The following DNAI4 variants were observed in gnomAD, a reference collection of about 807,000 sequenced individuals.
DNAI4 encodes the protein WD repeat domain 78.
In DNAI4, 85 loss-of-function variants were observed where a neutral mutation model predicts 105.8. The ratio of observed to expected loss-of-function variants is 0.80; its 90% CI spans 0.67 to 0.96. The LOEUF (loss-of-function observed/expected upper bound fraction) is 0.96, where lower values mean the gene tolerates loss of function less well. Among genes scored for constraint, DNAI4 ranks in the 40% least tolerant of loss-of-function variants. The pLI, the probability that DNAI4 is intolerant of heterozygous loss-of-function variation, is 0.00. For synonymous variants in DNAI4, 352 were observed against 331.5 expected, an observed-to-expected ratio of 1.06 and a Z score of -0.67; for missense variants, 1,014 against 1,005.6, an observed-to-expected ratio of 1.01 and a Z score of -0.11.
Position 66,834,166 on chromosome 1 carries a change from A to G in DNAI4, c.1734-18T>C, listed in dbSNP as rs774195475. 22 of 1,568,360 alleles carry G rather than the reference A, an allele frequency of 1.4e-5. No individual in the cohort carries two copies. The South Asian group carries it at 2.7e-4, about 19-fold the overall frequency. On this transcript the variant is annotated intron_variant, in intron 11 of 16. Coordinates refer to ENST00000371026, the MANE Select transcript of DNAI4 (RefSeq NM_024763.5). ...GTGATTCACTAAAACAGTAAAAAAAATACTAAACATATAATCATTATAATA... is the reference window on the plus strand; with the variant it reads ...GTGATTCACTAAAACAGTAAAAAAAGTACTAAACATATAATCATTATAATA...
rs148977933 is a variant in DNAI4, at chr1:66,831,612, T to G, written c.2013+1973A>C. Among the ~76,000 whole-genome samples the G allele has an allele frequency of 4.1e-4, 62 of 152,240 alleles. 1 individual carries two copies. The highest frequency in any genetic ancestry group is 1.4e-3 in the African/African-American group (60 of 41,548). On this transcript the variant is annotated intron_variant, in intron 13 of 16. Transcript: ENST00000371026. ...ACCACCCAACAAACTAGGAATGTAA[T>G]GGAACTCCCTCAATCTGATTAATTC...
intron 4 of DNAI4, among the ~76,000 whole-genome samples, chr1:66,877,959 TTAATCTTGGCCAC>T (rs1014612982): frequency 6.6e-6 from 1 of 152,188 alleles, no homozygotes; most frequent in Non-Finnish European, 1.5e-5. Context: ...ATTGATGGTG[TTAATCTTGGCCAC>T]CTGTCAATAT....
intron 7 of DNAI4, chr1:66,848,273 G>A (rs1198521162): frequency 1.1e-5 from 5 of 455,996 alleles, no homozygotes; most frequent in African/African-American, 2.0e-5. Flanking sequence ...CATTCCCGCT[G>A]ACCTTCTTCT....
intron 3 of DNAI4, among the ~76,000 whole-genome samples, chr1:66,891,630 T>A (rs1569793779): frequency 6.6e-6 from 1 of 152,254 alleles, no homozygotes; most frequent in East Asian, 1.9e-4. Context: ...TCCAGCTAAT[T>A]TTTTTGTATT....
Position 66,900,648 on chromosome 1 carries a change from TA to T in DNAI4, c.345+4552del, listed in dbSNP as rs531074507. Among the ~76,000 whole-genome samples the T allele has an allele frequency of 2.0e-4, 31 of 152,338 alleles. No homozygotes were observed. The East Asian group carries it at 5.6e-3, about 27-fold the overall frequency. ...TTATTACATTTATTCCTAAGTATTT[TA>T]CTGTTTTTGATGCTATTGTGAAATA... On this transcript the variant is annotated intron_variant, in intron 2 of 16. Transcript: ENST00000371026.
chr1:66,827,424 G>A (rs1380507609), intron 14 of DNAI4, among the ~76,000 whole-genome samples: 2 of 152,082 alleles, frequency 1.3e-5, no homozygotes, highest in Non-Finnish European at 2.9e-5. Context: ...GCTAAAGTGG[G>A]AAGATCAAGT....
intron 16 of DNAI4, among the ~76,000 whole-genome samples, chr1:66,821,123 G>C (rs1645617635): frequency 1.0e-5 from 1 of 96,604 alleles, no homozygotes; most frequent in African/African-American, 4.2e-5. Context: ...TTTTGAGTCA[G>C]AAGTTTGCTC....
Position 66,821,461 on chromosome 1 carries a change from G to A in DNAI4, c.2496+900C>T, listed in dbSNP as rs954317710. Among the ~76,000 whole-genome samples the A allele has an allele frequency of 5.3e-5, 8 of 152,184 alleles. No individual in the cohort carries two copies. In the East Asian group the frequency reaches 9.6e-4, roughly 18 times the overall value. ...CAAATTGCTTCCAAAAAGTTATACCGATTTCTATTCCAACCACCAGTATGA... is the reference window on the plus strand; with the variant it reads ...CAAATTGCTTCCAAAAAGTTATACCAATTTCTATTCCAACCACCAGTATGA... On this transcript the variant is annotated intron_variant, in intron 16 of 16. Coordinates refer to ENST00000371026, the MANE Select transcript of DNAI4 (RefSeq NM_024763.5).
At chr1:66,869,173 C>T (rs1244566654) in intron 6 of DNAI4, among the ~76,000 whole-genome samples, 1 of 151,324 alleles carries the variant, frequency 6.6e-6, no homozygotes, top group African/African-American at 2.4e-5. Flanking sequence ...AATCCTAATA[C>T]ACATGAATAT....
intron 8 of DNAI4, among the ~76,000 whole-genome samples, chr1:66,846,242 A>T (rs868578162): frequency 2.0e-5 from 3 of 152,196 alleles, no homozygotes; most frequent in African/African-American, 7.2e-5. Context: ...ATATCAACCT[A>T]ATATGAGAGA....
intron 16 of DNAI4, among the ~76,000 whole-genome samples, chr1:66,814,516 G>C (rs773696824): frequency 1.3e-5 from 2 of 151,910 alleles, no homozygotes; most frequent in African/African-American, 2.4e-5. Flanking sequence ...CTACAGGCAC[G>C]TGCCACCACG....
chr1:66,823,503 G>A (rs1645680244), intron 15 of DNAI4, among the ~76,000 whole-genome samples: 2 of 147,966 alleles, frequency 1.4e-5, no homozygotes, highest in African/African-American at 4.9e-5. Flanking sequence ...CACAATGGTT[G>A]AACTAGTTTA....
intron 1 of DNAI4, chr1:66,921,329 C>T (rs1202030888): frequency 1.3e-5 from 2 of 152,126 alleles, no homozygotes; most frequent in Non-Finnish European, 2.9e-5. Flanking sequence ...AAGAATCTAA[C>T]ACAGGAAAAG....
In DNAI4 at chr1:66,924,749, T is replaced by A. The variant is rs557595505; in HGVS notation, c.83A>T (p.Gln28Leu). The A allele has an allele frequency of 3.4e-5, 55 of 1,614,160 alleles. 1 individual carries two copies. The South Asian group carries it at 5.4e-4, about 16-fold the overall frequency. ...AWGYRDFRGG[Q>L]KKGWCTTPQL... The stretch of plus-strand genomic sequence containing the variant: ...GGGAGTGGTGCACCACCCCTTTTTT[T>A]GGCCGCCTCTGAAGTCCCTGTACCC... The change falls in exon 1 of 17, where the codon CAA becomes CTA. Residue 28 changes from glutamine to leucine, a missense_variant. Transcript: ENST00000371026.
chr1:66,924,628 G>A, intron 1 of DNAI4, 34 bp downstream of exon 1: 1 of 1,614,188 alleles, frequency 6.2e-7, no homozygotes, highest in Non-Finnish European at 8.5e-7. Flanking sequence ...GGGTCCCAGG[G>A]GGATGGACTA....
intron 15 of DNAI4, 72 bp from the exon 16 acceptor site, chr1:66,822,589 T>C (rs1645654124): frequency 1.5e-5 from 19 of 1,288,502 alleles, no homozygotes; most frequent in South Asian, 6.2e-5. Flanking sequence ...CAAAGAAAAA[T>C]TTGACATTTT....
At chr1:66,893,121 G>T in intron 3 of DNAI4, 108 bp downstream of exon 3, 1 of 527,666 alleles carries the variant, frequency 1.9e-6, no homozygotes, top group Non-Finnish European at 3.1e-6. Context: ...AAGAAAGAAA[G>T]AAACTGGGAG....
At chr1:66,826,498 A>G (rs1645756869) in intron 15 of DNAI4, among the ~76,000 whole-genome samples, 1 of 152,078 alleles carries the variant, frequency 6.6e-6, no homozygotes, top group African/African-American at 2.4e-5. Context: ...GGGTTTTGCC[A>G]TGTTGGCCAG....
chr1:66,912,786 G>A (rs1649758472), intron 1 of DNAI4, among the ~76,000 whole-genome samples: 1 of 152,146 alleles, frequency 6.6e-6, no homozygotes, highest in South Asian at 2.1e-4. Context: ...ACCACGAAGG[G>A]ATTCTGAACG....
Sources: allele counts gnomAD v4.1 joint callset (sites outside exome capture counted in the v4.1 genomes callset), GRCh38; gene constraint gnomAD v4.1.1; transcripts MANE v1.5; gene names NCBI Gene and HGNC (gene_info 2026-07-23, HGNC 2026-07-21).